Variants in ARL15 observed in about 807,000 individuals in gnomAD.
ARL15 encodes the protein ARF like GTPase 15.
Under a neutral mutation model 25.2 loss-of-function variants are expected in ARL15, and 19 were observed. The ratio of observed to expected loss-of-function variants is 0.75; its 90% confidence interval spans 0.53 to 1.10. ARL15 has a LOEUF of 1.10. Among genes scored for constraint, ARL15 ranks in the 50% least tolerant of loss-of-function variants. ARL15 has a pLI of 0.00. For missense variants in ARL15, 220 were observed against 246.0 expected (o/e 0.89, Z 0.71); for synonymous variants, 94 against 86.8 (o/e 1.08, Z -0.46).
chr5:53,913,568 C>T (rs1255708008), intron 4 of ARL15, among the ~76,000 whole-genome samples: 2 of 152,182 alleles, frequency 1.3e-5, no homozygotes, highest in South Asian at 2.1e-4. Flanking sequence ...AGTCCCTTGA[C>T]TGCTCTAGGC....
At chr5:54,269,127 C>T (rs1373176842) in intron 1 of ARL15, among the ~76,000 whole-genome samples, 5 of 151,732 alleles carry the variant, frequency 3.3e-5, no homozygotes, top group Admixed American at 2.6e-4. Context: ...TGCTAAATGA[C>T]GAGTTAATGG....
At chr5:54,243,781 T>C (rs1393658470) in intron 1 of ARL15, among the ~76,000 whole-genome samples, 1 of 152,212 alleles carries the variant, frequency 6.6e-6, no homozygotes, top group African/African-American at 2.4e-5. Context: ...TGTGGCCCAT[T>C]GGCCTCTAAA....
intron 3 of ARL15, among the ~76,000 whole-genome samples, chr5:54,117,443 C>T (rs911512987): frequency 7.3e-6 from 1 of 137,104 alleles, no homozygotes; most frequent in African/African-American, 2.5e-5. Context: ...TAAAAAATGT[C>T]CCTTATATGA....
chr5:54,096,996 C>G (rs1752308343), intron 4 of ARL15, among the ~76,000 whole-genome samples: 1 of 152,114 alleles, frequency 6.6e-6, no homozygotes, highest in Non-Finnish European at 1.5e-5. Context: ...CCTGGGCACC[C>G]TTACTGCACA....
rs60458728 is a variant in ARL15, at chr5:53,963,805, T to TCACACACA, written c.463-77100_463-77093dup. ...CCTGGGAGACAAGAGTGAAACTCCA[T>TCACACACA]CACACACACACACACACACACACAC... On this transcript the variant is annotated intron_variant, in intron 4 of 4. Transcript: ENST00000504924. Among the ~76,000 whole-genome samples, 584 of 143,218 alleles carry TCACACACA rather than the reference T, an allele frequency of 4.1e-3. 4 individuals carry two copies. The highest frequency in any genetic ancestry group is 3.1e-3 in the Non-Finnish European group (206 of 66,076). 94.0% of individuals were successfully genotyped at this position (143,218 alleles called of 152,430 possible).
intron 4 of ARL15, among the ~76,000 whole-genome samples, chr5:54,078,170 C>T (rs1285039895): frequency 1.3e-5 from 2 of 152,070 alleles, no homozygotes; most frequent in Admixed American, 1.3e-4. Flanking sequence ...TTCCTAACAC[C>T]CAAATTGATG....
chr5:54,194,677 C>A (rs981572498), intron 1 of ARL15, among the ~76,000 whole-genome samples: 1 of 152,096 alleles, frequency 6.6e-6, no homozygotes, highest in Admixed American at 6.6e-5. Flanking sequence ...TTTGTGGTAA[C>A]GTGAGGAGAG....
chr5:53,917,485 C>T (rs1745691480), intron 4 of ARL15, among the ~76,000 whole-genome samples: 1 of 152,194 alleles, frequency 6.6e-6, no homozygotes, highest in Admixed American at 6.5e-5. Flanking sequence ...TAGACATCTA[C>T]ATATACTCCA....
chr5:54,216,350 C>CG (rs34523173), intron 1 of ARL15, among the ~76,000 whole-genome samples: 1 of 152,172 alleles, frequency 6.6e-6, no homozygotes, highest in African/African-American at 2.4e-5. Flanking sequence ...TCTTACTACA[C>CG]GGGGGTGTTA....
chr5:53,956,363 A>G (rs1160257558), intron 4 of ARL15, among the ~76,000 whole-genome samples: 1 of 151,376 alleles, frequency 6.6e-6, no homozygotes, highest in Non-Finnish European at 1.5e-5. Context: ...CCATATTACA[A>G]AAGTCAAAAT....
intron 3 of ARL15, among the ~76,000 whole-genome samples, chr5:54,123,781 T>C (rs893247843): frequency 1.3e-5 from 2 of 152,224 alleles, no homozygotes; most frequent in Non-Finnish European, 2.9e-5. Flanking sequence ...TGCTCTGGAA[T>C]GCATCTTACT....
chr5:54,285,440 T>C, intron 1 of ARL15: 1 of 502,420 alleles, frequency 2.0e-6, no homozygotes, highest in Non-Finnish European at 2.6e-6. Context: ...CGTTATTTAC[T>C]ATACAGTCCA....
intron 1 of ARL15, among the ~76,000 whole-genome samples, chr5:54,276,298 A>G (rs1484168156): frequency 1.3e-5 from 2 of 152,218 alleles, no homozygotes; most frequent in Non-Finnish European, 2.9e-5. Context: ...TGGAATCTCC[A>G]AGGGGCATAA....
At chr5:54,116,676 T>C (rs1311583146) in intron 3 of ARL15, among the ~76,000 whole-genome samples, 1 of 152,174 alleles carries the variant, frequency 6.6e-6, no homozygotes, top group African/African-American at 2.4e-5. Context: ...GAATGGTGGC[T>C]GCTCAAAGTG....
chr5:54,014,807 C>T (rs569498260), intron 4 of ARL15, among the ~76,000 whole-genome samples: 9 of 151,806 alleles, frequency 5.9e-5, no homozygotes, highest in South Asian at 4.2e-4. Flanking sequence ...ACCTCAAGAT[C>T]GTATATAAGC....
At chr5:54,190,634 T>C (rs1397376483) in intron 1 of ARL15, among the ~76,000 whole-genome samples, 6 of 152,284 alleles carry the variant, frequency 3.9e-5, no homozygotes, top group Non-Finnish European at 5.9e-5. Context: ...CCTGGAAGCA[T>C]TGGATAAAGG....
chr5:54,290,014 G>A (rs889803597), intron 1 of ARL15, among the ~76,000 whole-genome samples: 2 of 152,100 alleles, frequency 1.3e-5, no homozygotes, highest in African/African-American at 4.8e-5. Context: ...TACTCTTGGT[G>A]TCTCCGCCTG....
chr5:54,117,472 T>C (rs538701331), intron 3 of ARL15, among the ~76,000 whole-genome samples: 18 of 151,982 alleles, frequency 1.2e-4, no homozygotes, highest in South Asian at 1.0e-3. Context: ...ATGAATAATA[T>C]ATTAATAGTG....
intron 4 of ARL15, among the ~76,000 whole-genome samples, chr5:54,107,179 T>C (rs964711883): frequency 2.0e-5 from 3 of 152,082 alleles, no homozygotes; most frequent in Non-Finnish European, 2.9e-5. Context: ...CTTGTGAGAC[T>C]TACTACCACG....
Sources: gnomAD v4.1 joint callset for allele counts (sites outside exome capture counted in the v4.1 genomes callset) on GRCh38, gnomAD v4.1.1 for gene constraint, MANE v1.5 for transcripts, NCBI Gene and HGNC (gene_info 2026-07-23, HGNC 2026-07-21) for gene names.